The following TNIP3 variants were observed in gnomAD, a reference collection of about 807,000 sequenced individuals.
TNIP3 encodes TNFAIP3 interacting protein 3.
TNIP3 carries 34 observed loss-of-function variants against 54.1 expected under a neutral mutation model. The ratio of observed to expected loss-of-function variants is 0.63; its 90% CI spans 0.48 to 0.84. TNIP3 has a LOEUF of 0.84. Among genes scored for constraint, TNIP3 ranks in the 40% least tolerant of loss-of-function variants. The pLI is 0.00. For synonymous variants in TNIP3, 134 were observed against 136.8 expected (o/e 0.98, Z 0.14); for missense variants, 366 against 387.6 (o/e 0.94, Z 0.47).
At chr4:121,225,749 C>T (rs1004851399) in intron 1 of TNIP3, among the ~76,000 whole-genome samples, 1 of 152,126 alleles carries the variant, frequency 6.6e-6, no homozygotes, top group Non-Finnish European at 1.5e-5. Flanking sequence ...GCACCTTTGC[C>T]TTCCCCTTCT....
At chr4:121,140,764 A>T (rs569957659) in intron 9 of TNIP3, among the ~76,000 whole-genome samples, 2 of 152,324 alleles carry the variant, frequency 1.3e-5, no homozygotes, top group African/African-American at 4.8e-5. Context: ...AAACAGGTAA[A>T]GAAAAAAAAG....
chr4:121,189,727 T>TGG (rs1282426788), intron 2 of TNIP3, among the ~76,000 whole-genome samples: 1 of 152,240 alleles, frequency 6.6e-6, no homozygotes, highest in African/African-American at 2.4e-5. Flanking sequence ...CAAGGCTATG[T>TGG]AATTTAAAAA....
intron 2 of TNIP3, among the ~76,000 whole-genome samples, chr4:121,200,456 GT>G (rs1446981518): frequency 6.6e-6 from 1 of 152,100 alleles, no homozygotes; most frequent in Non-Finnish European, 1.5e-5. Context: ...TCTGAGCAAC[GT>G]TTTTCATCTT....
At chr4:121,222,838 C>G (rs1379219048) in intron 1 of TNIP3, among the ~76,000 whole-genome samples, 1 of 132,200 alleles carries the variant, frequency 7.6e-6, no homozygotes, top group African/African-American at 3.0e-5. Context: ...CGGAGTCTCG[C>G]TCTGTCACCC....
chr4:121,222,223 T>C (rs992737140), intron 1 of TNIP3, among the ~76,000 whole-genome samples: 3 of 152,228 alleles, frequency 2.0e-5, no homozygotes, highest in Non-Finnish European at 2.9e-5. Context: ...TAGTTTTCCA[T>C]AGAATGTTCC....
chr4:121,180,556 AG>A (rs1724632659), intron 3 of TNIP3, among the ~76,000 whole-genome samples: 1 of 152,242 alleles, frequency 6.6e-6, no homozygotes. Flanking sequence ...GTGATAGCAG[AG>A]GGAAAGTTTT....
At chr4:121,223,019 A>G (rs1463802488) in intron 1 of TNIP3, among the ~76,000 whole-genome samples, 6 of 152,028 alleles carry the variant, frequency 3.9e-5, no homozygotes, top group African/African-American at 1.4e-4. Context: ...GTTAGCCAGG[A>G]TGGTCTCGAT....
chr4:121,135,579 T>G (rs535557675), intron 10 of TNIP3, among the ~76,000 whole-genome samples: 34 of 152,114 alleles, frequency 2.2e-4, no homozygotes, highest in Middle Eastern at 3.4e-3. Flanking sequence ...TGTATTTTTT[T>G]GTAGAGACAG....
At chr4:121,154,779 G>A in intron 4 of TNIP3, 100 bp from the exon 5 acceptor site, 1 of 1,119,650 alleles carries the variant, frequency 8.9e-7, no homozygotes, top group Non-Finnish European at 1.2e-6. Flanking sequence ...GCAGATTGAG[G>A]GGTCACCCTT....
At chr4:121,136,771 C>T (rs1282057122) in intron 10 of TNIP3, 2 of 146,116 alleles carry the variant, frequency 1.4e-5, no homozygotes, top group Non-Finnish European at 3.0e-5. Flanking sequence ...GGGATGATTT[C>T]TTGAGCCCAG....
chr4:121,204,731 A>G (rs962300237), intron 2 of TNIP3, among the ~76,000 whole-genome samples: 1 of 152,162 alleles, frequency 6.6e-6, no homozygotes, highest in Non-Finnish European at 1.5e-5. Flanking sequence ...CCAACGTTAG[A>G]TTGTTGGGTC....
intron 10 of TNIP3, among the ~76,000 whole-genome samples, chr4:121,133,554 T>C (rs547850884): frequency 2.0e-5 from 3 of 152,330 alleles, no homozygotes; most frequent in African/African-American, 7.2e-5. Flanking sequence ...GTATCTTAAA[T>C]ATTTTAAAAT....
At chr4:121,182,656 G>A in intron 3 of TNIP3, 2 of 1,533,426 alleles carry the variant, frequency 1.3e-6, no homozygotes, top group Non-Finnish European at 1.7e-6. Context: ...GAGATAAGGA[G>A]AAAAAAGGTG....
intron 5 of TNIP3, chr4:121,154,218 C>T (rs1214551931): frequency 1.0e-5 from 3 of 293,614 alleles, no homozygotes; most frequent in East Asian, 1.2e-4. Flanking sequence ...GAAGCTTTTG[C>T]GGTTGACCAA....
At chr4:121,154,816 C>T in intron 4 of TNIP3, 137 bp from the exon 5 acceptor site, 5 of 721,868 alleles carry the variant, frequency 6.9e-6, no homozygotes, top group Non-Finnish European at 1.1e-5. Flanking sequence ...ACAGGACCTG[C>T]AAGACTTTAA....
At chr4:121,202,748 C>T (rs1725962513) in intron 2 of TNIP3, among the ~76,000 whole-genome samples, 2 of 151,866 alleles carry the variant, frequency 1.3e-5, no homozygotes, top group African/African-American at 2.4e-5. Flanking sequence ...ACAGATAACC[C>T]CATCAAAAAG....
At chr4:121,170,177 T>A (rs1400188541) in intron 3 of TNIP3, among the ~76,000 whole-genome samples, 1 of 152,234 alleles carries the variant, frequency 6.6e-6, no homozygotes, top group East Asian at 1.9e-4. Context: ...AAAGCAGTTG[T>A]TAATTCGATG....
chr4:121,196,780 C>T (rs1387689054), intron 2 of TNIP3, among the ~76,000 whole-genome samples: 1 of 151,820 alleles, frequency 6.6e-6, no homozygotes, highest in Non-Finnish European at 1.5e-5. Flanking sequence ...AATACAATTT[C>T]AACGTAGAAA....
chr4:121,160,657 T>C (rs1389128956), intron 2 of TNIP3, among the ~76,000 whole-genome samples: 1 of 152,210 alleles, frequency 6.6e-6, no homozygotes, highest in Non-Finnish European at 1.5e-5. Context: ...AAACTTTATT[T>C]ATGATAATGC....
Sources: allele counts gnomAD v4.1 joint callset (sites outside exome capture counted in the v4.1 genomes callset), GRCh38; gene constraint gnomAD v4.1.1; transcripts MANE v1.5; gene names NCBI Gene and HGNC (gene_info 2026-07-23, HGNC 2026-07-21).